OR9Q1: variants seen among roughly 807,000 people sequenced by gnomAD.
OR9Q1 encodes the protein olfactory receptor 9Q1.
For synonymous variants in OR9Q1, 153 were observed against 148.6 expected (o/e 1.03, Z -0.22); for missense variants, 374 against 378.8 (o/e 0.99, Z 0.11).
chr11:58,168,101 C>A (rs17152457), intron 2 of OR9Q1, among the ~76,000 whole-genome samples: 2 of 152,146 alleles, frequency 1.3e-5, no homozygotes, highest in Non-Finnish European at 2.9e-5. Flanking sequence ...AGATTTCATT[C>A]CAAAAACTGA....
intron 2 of OR9Q1, among the ~76,000 whole-genome samples, chr11:58,137,524 A>T (rs564917292): frequency 6.6e-6 from 1 of 152,310 alleles, no homozygotes; most frequent in East Asian, 1.9e-4. Flanking sequence ...AACTTATATT[A>T]CTTTCCTCCT....
intron 2 of OR9Q1, among the ~76,000 whole-genome samples, chr11:58,085,342 G>T (rs1031061382): frequency 6.6e-6 from 1 of 151,768 alleles, no homozygotes; most frequent in Non-Finnish European, 1.5e-5. Flanking sequence ...GGCAATCAAT[G>T]TATTAATCAT....
At chr11:58,119,786 C>A (rs1312084744) in intron 2 of OR9Q1, among the ~76,000 whole-genome samples, 1 of 151,856 alleles carries the variant, frequency 6.6e-6, no homozygotes, top group Non-Finnish European at 1.5e-5. Flanking sequence ...TTACCATATA[C>A]CCACCACACG....
intron 2 of OR9Q1, among the ~76,000 whole-genome samples, chr11:58,094,404 T>G (rs2443435): frequency 6.6e-6 from 1 of 152,192 alleles, no homozygotes; most frequent in Admixed American, 6.5e-5. Flanking sequence ...ATCCACATAA[T>G]GAAAATTACA....
chr11:58,154,379 A>ATTT (rs3085835), intron 2 of OR9Q1, among the ~76,000 whole-genome samples: 15,078 of 140,894 alleles, frequency 0.11, 975 homozygotes, highest in East Asian at 0.17. Flanking sequence ...AATGCAATGG[A>ATTT]TTTTTTTTTT....
intron 1 of OR9Q1, chr11:58,026,572 C>T (rs1177549616): frequency 2.7e-5 from 4 of 150,464 alleles, no homozygotes; most frequent in African/African-American, 4.9e-5. Flanking sequence ...ATCCCAGCTA[C>T]TTGGGAGGCT....
chr11:58,037,700 T>A lies in OR9Q1; in HGVS notation c.-93+13596T>A, dbSNP rs1565056545. On this transcript the variant is annotated intron_variant, in intron 1 of 2. Transcript: ENST00000335397. ...ATATATATATATATATTTTTTTTTT[T>A]TTTTTTTTTTTTTTTTTTTTTTTTT... Among the ~76,000 whole-genome samples, 67 of 7,444 alleles carry A rather than the reference T, an allele frequency of 9.0e-3. 1 individual carries two copies. Among genetic ancestry groups the A allele is most frequent in the Non-Finnish European group, 0.012 (50 of 4,304 alleles). The allele number at this position is 7,444 out of a possible 152,430, so 4.9% of individuals were successfully genotyped here.
intron 2 of OR9Q1, among the ~76,000 whole-genome samples, chr11:58,097,852 A>G (rs1204630542): frequency 1.3e-5 from 2 of 152,234 alleles, no homozygotes; most frequent in Non-Finnish European, 2.9e-5. Flanking sequence ...CCAAACAAAG[A>G]TGAGTTAATA....
chr11:58,163,787 G>C (rs1854476792), intron 2 of OR9Q1, among the ~76,000 whole-genome samples: 1 of 152,216 alleles, frequency 6.6e-6, no homozygotes, highest in African/African-American at 2.4e-5. Context: ...CAGCTGGCGA[G>C]GGTGGCAGAG....
intron 2 of OR9Q1, among the ~76,000 whole-genome samples, chr11:58,122,037 T>G (rs1363563828): frequency 6.6e-6 from 1 of 152,148 alleles, no homozygotes; most frequent in East Asian, 1.9e-4. Context: ...TTACTTCTCT[T>G]TCACCTAAGG....
intron 2 of OR9Q1, among the ~76,000 whole-genome samples, chr11:58,126,973 C>T (rs962540068): frequency 4.6e-5 from 7 of 152,050 alleles, no homozygotes; most frequent in African/African-American, 1.7e-4. Context: ...AGCATTTCAC[C>T]AGAGTCTTGC....
chr11:58,027,571 A>C (rs1852987788), intron 1 of OR9Q1, among the ~76,000 whole-genome samples: 1 of 152,154 alleles, frequency 6.6e-6, no homozygotes, highest in Non-Finnish European at 1.5e-5. Flanking sequence ...TTTACAGAAA[A>C]TATTGGGTAA....
chr11:58,056,569 G>A (rs1341530677), intron 2 of OR9Q1, among the ~76,000 whole-genome samples: 1 of 152,140 alleles, frequency 6.6e-6, no homozygotes, highest in African/African-American at 2.4e-5. Context: ...ATAAAGTTTT[G>A]TTGAACACAG....
At chr11:58,083,024 C>A (rs1029451107) in intron 2 of OR9Q1, among the ~76,000 whole-genome samples, 26 of 148,974 alleles carry the variant, frequency 1.7e-4, no homozygotes, top group African/African-American at 5.9e-4. Context: ...TTAATTAGAT[C>A]CCATTTGTCT....
At chr11:58,031,922 C>T (rs1590544269) in intron 1 of OR9Q1, 1 of 1,479,430 alleles carries the variant, frequency 6.8e-7, no homozygotes, top group South Asian at 1.2e-5. Context: ...CAGGTGGGAA[C>T]CCAGTTTCCT....
intron 2 of OR9Q1, among the ~76,000 whole-genome samples, chr11:58,065,216 C>T (rs1853417505): frequency 6.6e-6 from 1 of 152,072 alleles, no homozygotes; most frequent in Admixed American, 6.5e-5. Context: ...GACAGGCACT[C>T]TGATGTAGAA....
intron 2 of OR9Q1, among the ~76,000 whole-genome samples, chr11:58,103,358 A>G (rs1167429298): frequency 6.6e-6 from 1 of 152,156 alleles, no homozygotes; most frequent in Non-Finnish European, 1.5e-5. Context: ...ACATGCGGTG[A>G]TTATGGGAAT....
At chr11:58,104,295 T>A (rs1374088970) in intron 2 of OR9Q1, among the ~76,000 whole-genome samples, 2 of 149,280 alleles carry the variant, frequency 1.3e-5, no homozygotes, top group African/African-American at 4.9e-5. Context: ...AGCCCATGGA[T>A]AAAGAGGAAG....
At chr11:58,028,463 C>G (rs1007160790) in intron 1 of OR9Q1, among the ~76,000 whole-genome samples, 1 of 152,116 alleles carries the variant, frequency 6.6e-6, no homozygotes, top group African/African-American at 2.4e-5. Flanking sequence ...GGGCTTGATC[C>G]CAGAGCTGTT....
Sources: gnomAD v4.1 joint callset for allele counts (sites outside exome capture counted in the v4.1 genomes callset) on GRCh38, gnomAD v4.1.1 for gene constraint, MANE v1.5 for transcripts, NCBI Gene and HGNC (gene_info 2026-07-23, HGNC 2026-07-21) for gene names.